Variants in PSKH2 observed in about 807,000 individuals in gnomAD.
PSKH2 encodes protein serine kinase H2, also known as serine/threonine-protein kinase H2.
PSKH2 carries 16 observed loss-of-function variants against 22.5 expected under a neutral mutation model. The ratio of observed to expected loss-of-function variants is 0.71; its 90% CI spans 0.48 to 1.08. The LOEUF is 1.08. PSKH2 is among the 50% of genes least tolerant of loss of function. The pLI is 0.00. For missense variants in PSKH2, 516 were observed against 492.8 expected (o/e 1.05, Z -0.44); for synonymous variants, 188 against 184.8 (o/e 1.02, Z -0.14).
rs752960659 is a variant in PSKH2 at position 86,064,095 on chromosome 8, C to G, written c.722G>C (p.Ser241Thr). ...PEVLLRKPYTSAVDMWALGVI... is the reference protein window; with the variant it reads ...PEVLLRKPYTTAVDMWALGVI... ...ACCAAGAGCCCACATGTCCACTGCACTGGTATAAGGCTTCCTTAGCAAAAC... is the reference window on the plus strand; with the variant it reads ...ACCAAGAGCCCACATGTCCACTGCAGTGGTATAAGGCTTCCTTAGCAAAAC... Residue 241 changes from serine (S) to threonine (T), a missense_variant, in exon 2 of 3, where the codon AGT becomes ACT. Ser to Thr is a moderately conservative substitution (Grantham distance 58). Transcript: ENST00000276616. The G allele has an allele frequency of 2.5e-6, 4 of 1,614,164 alleles. No homozygotes were observed. In the South Asian group the frequency reaches 4.4e-5, roughly 18 times the overall value.
upstream of PSKH2, chr8:86,069,742 G>C: frequency 8.4e-7 from 1 of 1,183,476 alleles, no homozygotes; most frequent in African/African-American, 1.6e-5. Flanking sequence ...AAACCCCACT[G>C]GGGGGTCGTG....
intron 2 of PSKH2, among the ~76,000 whole-genome samples, chr8:86,049,451 C>A (rs2130137204): frequency 6.6e-6 from 1 of 151,956 alleles, no homozygotes; most frequent in Admixed American, 6.6e-5. Flanking sequence ...CCCAACTACT[C>A]AGGAAGCTGA....
upstream of PSKH2, chr8:86,069,832 C>G (rs1817922372): frequency 1.9e-6 from 1 of 536,060 alleles, no homozygotes; most frequent in Non-Finnish European, 3.1e-6. Flanking sequence ...TGTGTGTAAT[C>G]TGACGTGATG....
At chr8:86,059,106 A>G (rs1817743522) in intron 2 of PSKH2, among the ~76,000 whole-genome samples, 1 of 151,948 alleles carries the variant, frequency 6.6e-6, no homozygotes, top group South Asian at 2.1e-4. Context: ...TGTGTGGCTA[A>G]TTTTTTGTAT....
intron 1 of PSKH2, 44 bp from the exon 2 acceptor site, chr8:86,064,675 A>T: frequency 6.9e-7 from 1 of 1,451,350 alleles, no homozygotes; most frequent in Non-Finnish European, 9.4e-7. Flanking sequence ...AGAAGTGATG[A>T]TTCTCAAAAT....
chr8:86,062,813 C>A (rs1367792213), intron 2 of PSKH2, among the ~76,000 whole-genome samples: 1 of 152,192 alleles, frequency 6.6e-6, no homozygotes, highest in African/African-American at 2.4e-5. Flanking sequence ...TTTCAAACTA[C>A]TTTCCAAGAA....
chr8:86,051,521 C>A (rs1817630109), intron 2 of PSKH2, among the ~76,000 whole-genome samples: 1 of 152,092 alleles, frequency 6.6e-6, no homozygotes. Context: ...GCATATCTGA[C>A]AAATACTCAA....
chr8:86,062,103 C>T (rs575292020), intron 2 of PSKH2, among the ~76,000 whole-genome samples: 1 of 152,164 alleles, frequency 6.6e-6, no homozygotes, highest in Non-Finnish European at 1.5e-5. Flanking sequence ...CCCATGCAAA[C>T]GTTTTCCCAC....
intron 2 of PSKH2, among the ~76,000 whole-genome samples, chr8:86,050,206 TG>T (rs1282590162): frequency 1.3e-5 from 1 of 76,006 alleles, no homozygotes. Flanking sequence ...CATTATCTGC[TG>T]AGAAAGAAAA....
At position 86,048,542 on chromosome 8, in the gene PSKH2, G is replaced by A. The variant is rs1393899041; in HGVS notation, c.1078C>T (p.His360Tyr). ...SPGSAQSSKS[H>Y]YSHKSRHMWS... ...ATATGCCTGGATTTGTGAGAATAAT[G>A]TGACTTAGAAGACTGTGCAGATCCA... The change falls in exon 3 of 3, where the codon CAT (histidine) becomes TAT (tyrosine). Residue 360 changes from histidine (H) to tyrosine (Y), a missense_variant. By Grantham distance (83) the His-to-Tyr change is moderately conservative (BLOSUM62 2). Coordinates refer to ENST00000276616, the MANE Select transcript of PSKH2 (RefSeq NM_033126.3). 3 of 1,614,146 alleles carry A rather than the reference G, an allele frequency of 1.9e-6. No homozygotes were observed. The Admixed American group carries it at 5.0e-5, about 27-fold the overall frequency.
chr8:86,054,195 G>T (rs1175421577), intron 2 of PSKH2, among the ~76,000 whole-genome samples: 3 of 133,246 alleles, frequency 2.3e-5, no homozygotes, highest in Non-Finnish European at 5.0e-5. Context: ...AATTATTGGT[G>T]GATTTAATTA....
At chr8:86,049,191 A>T (rs1480160367) in intron 2 of PSKH2, among the ~76,000 whole-genome samples, 1 of 152,190 alleles carries the variant, frequency 6.6e-6, no homozygotes, top group Non-Finnish European at 1.5e-5. Flanking sequence ...AGTTCCTGTG[A>T]CTTCAAGAAT....
chr8:86,063,155 T>C (rs893751256), intron 2 of PSKH2, among the ~76,000 whole-genome samples: 1 of 152,188 alleles, frequency 6.6e-6, no homozygotes, highest in Non-Finnish European at 1.5e-5. Flanking sequence ...TCTGTCAGAG[T>C]GTAGAAAACA....
rs1333812510 is a variant in PSKH2 at position 86,069,650 on chromosome 8, A to G, written c.-28T>C. 1 of 1,504,906 alleles carries G rather than the reference A, an allele frequency of 6.6e-7. No homozygotes were observed. The highest frequency in any genetic ancestry group is 2.3e-5 in the Admixed American group (1 of 42,618). The allele number at this position is 1,504,906 out of a possible 1,614,324, so 93.2% of individuals were successfully genotyped here. ...CCGCAACACGCCCGCCGCTCGCGGG[A>G]CCTGGGGACTCGGGAAGCAGCCAGC... On this transcript the variant is annotated 5_prime_UTR_variant, in exon 1 of 3. Coordinates refer to ENST00000276616, the MANE Select transcript of PSKH2 (RefSeq NM_033126.3).
Position 86,068,121 on chromosome 8 carries a change from C to G in PSKH2, c.185+1317G>C, listed in dbSNP as rs117945286. Among the ~76,000 whole-genome samples the G allele has an allele frequency of 2.0e-4, 30 of 152,326 alleles. No homozygotes were observed. The East Asian group carries it at 5.6e-3, about 28-fold the overall frequency. On this transcript the variant is annotated intron_variant, in intron 1 of 2. Transcript: ENST00000276616. ...ACCCTGTACCTACTCAGATTCAGTT[C>G]AGTCATATTAGCCAGCCTTGTTCTT...
intron 2 of PSKH2, among the ~76,000 whole-genome samples, chr8:86,054,451 C>T (rs928328970): frequency 1.7e-4 from 26 of 152,156 alleles, no homozygotes; most frequent in African/African-American, 6.3e-4. Context: ...ATGCCCCAAA[C>T]TGATTACTCT....
At chr8:86,055,282 G>A (rs185678132) in intron 2 of PSKH2, among the ~76,000 whole-genome samples, 6 of 152,186 alleles carry the variant, frequency 3.9e-5, no homozygotes, top group South Asian at 2.1e-4. Context: ...GCATAGCTAC[G>A]TTTATACCCT....
chr8:86,049,743 AAAGAAACGAAAG>A (rs1817598187), intron 2 of PSKH2, among the ~76,000 whole-genome samples: 2 of 12,130 alleles, frequency 1.6e-4, no homozygotes, highest in South Asian at 4.8e-3. Context: ...AGAAAGAAAG[AAAGAAACGAAAG>A]AAAGAAAGAA....
At position 86,047,618 on chromosome 8, in the gene PSKH2, A is replaced by T. The variant is rs1470064599; in HGVS notation, c.*844T>A. On this transcript the variant is annotated 3_prime_UTR_variant, in exon 3 of 3. Transcript: ENST00000276616. ...TTTACAAAAATTTACCATATAAGAG[A>T]TCAGGCCATATGTGACTTGCCTAGA... 6.6e-6 allele frequency among the ~76,000 whole-genome samples: 1 copy of T among 152,170 alleles called. No homozygotes were observed. Among genetic ancestry groups the T allele is most frequent in the Non-Finnish European group, 1.5e-5 (1 of 67,998 alleles).
Sources: allele counts gnomAD v4.1 joint callset (sites outside exome capture counted in the v4.1 genomes callset), GRCh38; gene constraint gnomAD v4.1.1; transcripts MANE v1.5; gene names NCBI Gene and HGNC (gene_info 2026-07-23, HGNC 2026-07-21).